DEPDC5: variants seen among roughly 807,000 people sequenced by gnomAD.
DEPDC5 encodes DEP domain containing 5, GATOR1 subcomplex subunit.
In DEPDC5, 73 loss-of-function variants were observed where a neutral mutation model predicts 217.3. That is an observed-to-expected ratio of 0.34 (90% confidence interval 0.28 to 0.41). The LOEUF (loss-of-function observed/expected upper bound fraction) is 0.41. Ranked by LOEUF, DEPDC5 falls within the 10% of genes least tolerant of loss-of-function variation. The pLI, the probability that DEPDC5 is intolerant of heterozygous loss-of-function variation, is 1.00. For missense variants in DEPDC5, 1,675 were observed against 2,070.1 expected, an observed-to-expected ratio of 0.81 and a Z score of 3.70; for synonymous variants, 733 against 756.7, an observed-to-expected ratio of 0.97 and a Z score of 0.51.
At position 31,857,425 on chromosome 22, in the gene DEPDC5, T is replaced by C. The variant is rs1212797687; in HGVS notation, c.3156-20T>C. On this transcript the variant is annotated intron_variant, in intron 31 of 42. Coordinates refer to ENST00000651528, the MANE Select transcript of DEPDC5 (RefSeq NM_001242896.3). ...GGGAGCTCTGAGCAAGCTGCTGTCA[T>C]GTGCTTTTCCTCCTTTCAGGTGCCT... 1 of 1,579,142 alleles carries C rather than the reference T, an allele frequency of 6.3e-7. No individual in the cohort carries two copies. Among genetic ancestry groups the C allele is most frequent in the Non-Finnish European group, 8.6e-7 (1 of 1,161,472 alleles).
At position 31,906,623 on chromosome 22, in the gene DEPDC5, GT is replaced by G; in HGVS notation, c.*132del. ...CTGCTATCAGTGAGTGGGGGCCATT[GT>G]TTTTTGTTTGTTTGTTTGTTTGTTT... On this transcript the variant is annotated 3_prime_UTR_variant, in exon 43 of 43. Transcript: ENST00000651528. This position sits in a 1 kb window ranked among gnomAD's most constrained non-coding sequence, Gnocchi z 5.1. 4 of 1,231,836 alleles carry G rather than the reference GT, an allele frequency of 3.2e-6. No individual in the cohort carries two copies. The highest frequency in any genetic ancestry group is 4.5e-6 in the Non-Finnish European group (4 of 886,640). 76.3% of individuals were successfully genotyped at this position (1,231,836 alleles called of 1,614,324 possible). A position where few individuals can be genotyped will look rare whatever the true frequency, so the allele number is the denominator to read the frequency against.
chr22:31,797,942 T>G (rs919984998), intron 13 of DEPDC5, among the ~76,000 whole-genome samples: 11 of 151,242 alleles, frequency 7.3e-5, no homozygotes, highest in African/African-American at 2.7e-4. Flanking sequence ...TTTTTTTTTT[T>G]GAGACAGAGT....
intron 31 of DEPDC5, among the ~76,000 whole-genome samples, chr22:31,854,636 A>T (rs1205732065): frequency 6.6e-6 from 1 of 152,224 alleles, no homozygotes; most frequent in South Asian, 2.1e-4. Context: ...ACATCATAAG[A>T]GAGAGGCAGC....
At chr22:31,812,867 A>T (rs756390313) in intron 20 of DEPDC5, among the ~76,000 whole-genome samples, 38 of 150,378 alleles carry the variant, frequency 2.5e-4, no homozygotes, top group Middle Eastern at 3.4e-3. Flanking sequence ...CAGCCTCCCG[A>T]GTAGCTGGGA....
At chr22:31,814,262 A>C (rs2088809045) in intron 20 of DEPDC5, 1 of 152,186 alleles carries the variant, frequency 6.6e-6, no homozygotes, top group African/African-American at 2.4e-5. Context: ...GCCTGGCACA[A>C]AGCTGATTAG....
intron 38 of DEPDC5, among the ~76,000 whole-genome samples, chr22:31,884,635 C>T (rs1488659100): frequency 2.6e-5 from 4 of 152,180 alleles, no homozygotes; most frequent in Admixed American, 1.3e-4. Context: ...AGCCTGCCCT[C>T]ATCTCCATAC....
chr22:31,843,523 G>C (rs545572891), intron 28 of DEPDC5, 122 bp from the exon 29 acceptor site: 218 of 1,189,452 alleles, frequency 1.8e-4, no homozygotes, highest in Non-Finnish European at 2.3e-4. Flanking sequence ...GGATAAGTTG[G>C]TTACTACAGT....
intron 33 of DEPDC5, among the ~76,000 whole-genome samples, chr22:31,864,518 A>ATATATATT (rs200581947): frequency 7.2e-6 from 1 of 138,270 alleles, no homozygotes; most frequent in African/African-American, 2.6e-5. Flanking sequence ...ATATATATAT[A>ATATATATT]TATATATTTA....
At chr22:31,862,620 T>A (rs1351428291) in intron 33 of DEPDC5, among the ~76,000 whole-genome samples, 2 of 152,190 alleles carry the variant, frequency 1.3e-5, no homozygotes, top group Non-Finnish European at 1.5e-5. Context: ...AAAAAGTTGT[T>A]AGCTGGTTAG....
intron 10 of DEPDC5, 190 bp downstream of exon 10, chr22:31,785,065 A>C: frequency 1.9e-6 from 1 of 528,544 alleles, no homozygotes; most frequent in Non-Finnish European, 3.3e-6. Flanking sequence ...CATCACACTC[A>C]ATGGTAAAAG....
In DEPDC5 at chr22:31,768,815, T is replaced by G. The variant is rs2083056941; in HGVS notation, c.365T>G (p.Val122Gly). Reference protein sequence around the residue: ...GDMWRLKKSLVSTCAYITQKV... With the variant: ...GDMWRLKKSLGSTCAYITQKV... ...ACCCCTCTCTCCCCCTCCTCTTAGG[T>G]CAGCACATGTGCCTATATCACCCAG... Residue 122 changes from valine (V) to glycine (G), a missense_variant and splice_region_variant, in exon 7 of 43, where the codon GTC (valine) becomes GGC (glycine). Physicochemically the swap from Val to Gly is moderately radical, Grantham distance 109 (BLOSUM62 -3). Around this residue, in one of 11 missense-constraint regions of DEPDC5, gnomAD observed 628 missense variants for 762.1 expected, o/e 0.82. Transcript: ENST00000651528. The G allele has an allele frequency of 6.2e-7, 1 of 1,613,062 alleles. No homozygotes were observed. The highest frequency in any genetic ancestry group is 1.3e-5 in the African/African-American group (1 of 74,814).
intron 21 of DEPDC5, chr22:31,815,755 TC>T: frequency 8.8e-7 from 1 of 1,136,528 alleles, no homozygotes; most frequent in East Asian, 3.1e-5. Flanking sequence ...GGTCTTGAAC[TC>T]CTGGACTCGA....
At chr22:31,887,008 G>T (rs980661390) in intron 38 of DEPDC5, among the ~76,000 whole-genome samples, 1 of 151,472 alleles carries the variant, frequency 6.6e-6, no homozygotes, top group African/African-American at 2.4e-5. Flanking sequence ...GCTTGAACCC[G>T]GGAGGTGGAG....
chr22:31,793,583 A>T (rs540697187), intron 12 of DEPDC5, among the ~76,000 whole-genome samples: 38 of 151,826 alleles, frequency 2.5e-4, no homozygotes, highest in African/African-American at 8.0e-4. Context: ...TATTATTATT[A>T]TTTTTTGAGA....
At chr22:31,863,111 C>T (rs2092572249) in intron 33 of DEPDC5, among the ~76,000 whole-genome samples, 1 of 151,916 alleles carries the variant, frequency 6.6e-6, no homozygotes, top group Non-Finnish European at 1.5e-5. Flanking sequence ...CCTCCCAAAG[C>T]ACTGGGATTA....
chr22:31,829,123 G>A lies in DEPDC5; in HGVS notation c.2105-4792G>A, dbSNP rs995212350. 5.9e-5 allele frequency among the ~76,000 whole-genome samples: 9 copies of A among 152,184 alleles called. 1 individual carries two copies. Among genetic ancestry groups the A allele is most frequent in the Non-Finnish European group, 8.8e-5 (6 of 68,038 alleles). ...TTCCTGACTGCCTGTCCCACAGAGCGGTTGTCTGGATCAAAAGTAGGTTGG... is the reference window on the plus strand; with the variant it reads ...TTCCTGACTGCCTGTCCCACAGAGCAGTTGTCTGGATCAAAAGTAGGTTGG... On this transcript the variant is annotated intron_variant, in intron 24 of 42. Transcript: ENST00000651528.
intron 10 of DEPDC5, among the ~76,000 whole-genome samples, chr22:31,786,111 G>T (rs1488500988): frequency 6.6e-6 from 1 of 151,908 alleles, no homozygotes; most frequent in African/African-American, 2.4e-5. Context: ...ACAAAAATTA[G>T]CCAGGCGTGG....
At chr22:31,855,084 C>T (rs2092224470) in intron 31 of DEPDC5, among the ~76,000 whole-genome samples, 1 of 151,786 alleles carries the variant, frequency 6.6e-6, no homozygotes, top group Non-Finnish European at 1.5e-5. Flanking sequence ...CCTGCCTCAG[C>T]CTCCAGAGTA....
intron 14 of DEPDC5, among the ~76,000 whole-genome samples, chr22:31,800,673 C>G (rs1391476321): frequency 6.6e-6 from 1 of 151,910 alleles, no homozygotes; most frequent in Non-Finnish European, 1.5e-5. Context: ...TTAAAATCTA[C>G]TTTAAAAAAA....
Sources: allele counts gnomAD v4.1 joint callset (sites outside exome capture counted in the v4.1 genomes callset), GRCh38; gene constraint gnomAD v4.1.1; regional missense constraint gnomAD v4.1.1; non-coding constraint Gnocchi (gnomAD v3.1); transcripts MANE v1.5; gene names NCBI Gene and HGNC (gene_info 2026-07-23, HGNC 2026-07-21).